NALF1: variants seen among roughly 807,000 people sequenced by gnomAD.
NALF1 encodes NALCN channel auxiliary factor 1.
In NALF1, 3 loss-of-function variants were observed where a neutral mutation model predicts 48.4. The ratio of observed to expected loss-of-function variants is 0.06; its 90% CI spans 0.03 to 0.16. NALF1 has a LOEUF of 0.16. Among genes scored for constraint, NALF1 ranks in the 10% least tolerant of loss-of-function variants. The pLI, the probability that NALF1 is intolerant of heterozygous loss-of-function variation, is 1.00. For synonymous variants in NALF1, 262 were observed against 245.7 expected (o/e 1.07, Z -0.62); for missense variants, 526 against 571.5 (o/e 0.92, Z 0.81).
At chr13:107,412,828 A>C (rs1248947496) in intron 1 of NALF1, among the ~76,000 whole-genome samples, 1 of 152,194 alleles carries the variant, frequency 6.6e-6, no homozygotes, top group African/African-American at 2.4e-5. Context: ...TGGCGTAATA[A>C]AGTTGTCTTA....
At chr13:107,536,251 C>T (rs1246812843) in intron 1 of NALF1, among the ~76,000 whole-genome samples, 5 of 151,898 alleles carry the variant, frequency 3.3e-5, no homozygotes, top group Non-Finnish European at 7.4e-5. Flanking sequence ...CTAAAGAGCT[C>T]CTGCACAGCA....
intron 2 of NALF1, among the ~76,000 whole-genome samples, chr13:107,178,862 G>A (rs888009334): frequency 1.3e-5 from 2 of 151,818 alleles, no homozygotes; most frequent in South Asian, 2.1e-4. Context: ...GGAGAATGGC[G>A]TGAACCCAGG....
intron 1 of NALF1, among the ~76,000 whole-genome samples, chr13:107,444,984 G>A (rs905053273): frequency 6.6e-6 from 1 of 152,272 alleles, no homozygotes; most frequent in Non-Finnish European, 1.5e-5. Context: ...TATACAAGGA[G>A]ATTCCATGAG....
chr13:107,837,801 T>C (rs1288296213), intron 1 of NALF1, among the ~76,000 whole-genome samples: 2 of 152,098 alleles, frequency 1.3e-5, no homozygotes, highest in African/African-American at 4.8e-5. Context: ...AATGATACTT[T>C]ACCAGTTCTT....
chr13:107,751,908 G>T (rs1876951531), intron 1 of NALF1, among the ~76,000 whole-genome samples: 1 of 151,876 alleles, frequency 6.6e-6, no homozygotes, highest in Admixed American at 6.6e-5. Flanking sequence ...TCATCAAGGT[G>T]CTTGGAATTT....
chr13:107,781,303 T>G (rs189410716), intron 1 of NALF1, among the ~76,000 whole-genome samples: 2 of 152,242 alleles, frequency 1.3e-5, no homozygotes, highest in African/African-American at 2.4e-5. Flanking sequence ...GGGTGCTATA[T>G]GACAGAGTAT....
At chr13:107,838,070 C>T (rs780345115) in intron 1 of NALF1, among the ~76,000 whole-genome samples, 3 of 152,128 alleles carry the variant, frequency 2.0e-5, no homozygotes, top group Non-Finnish European at 4.4e-5. Flanking sequence ...GCTGGAAGCA[C>T]GGTAAACTCG....
intron 1 of NALF1, among the ~76,000 whole-genome samples, chr13:107,661,008 T>C (rs1464056112): frequency 6.6e-6 from 1 of 152,220 alleles, no homozygotes; most frequent in Non-Finnish European, 1.5e-5. Flanking sequence ...CATAATTTTA[T>C]TTGGGAAAAA....
intron 2 of NALF1, among the ~76,000 whole-genome samples, chr13:107,200,972 G>C (rs184891117): frequency 2.0e-5 from 3 of 152,100 alleles, no homozygotes; most frequent in Non-Finnish European, 4.4e-5. Flanking sequence ...CAGGGGGACC[G>C]AGTGAAAATG....
At chr13:107,724,114 G>A (rs1876074432) in intron 1 of NALF1, among the ~76,000 whole-genome samples, 1 of 152,018 alleles carries the variant, frequency 6.6e-6, no homozygotes, top group African/African-American at 2.4e-5. Context: ...GATGAAAATA[G>A]GAAGCTTGTT....
At chr13:107,561,290 C>T (rs1877637383) in intron 1 of NALF1, among the ~76,000 whole-genome samples, 1 of 152,138 alleles carries the variant, frequency 6.6e-6, no homozygotes, top group African/African-American at 2.4e-5. Flanking sequence ...GCCATGTCAC[C>T]TTCGTCTCCT....
intron 1 of NALF1, among the ~76,000 whole-genome samples, chr13:107,420,319 C>T (rs997476676): frequency 1.3e-5 from 2 of 152,166 alleles, no homozygotes; most frequent in Non-Finnish European, 2.9e-5. Context: ...TAAAACTTCT[C>T]ATACATTGCT....
intron 1 of NALF1, among the ~76,000 whole-genome samples, chr13:107,478,147 C>G (rs1434976017): frequency 1.3e-5 from 2 of 152,118 alleles, no homozygotes; most frequent in Non-Finnish European, 2.9e-5. Flanking sequence ...TGAAGCCATT[C>G]TTGCTGTATA....
At chr13:107,459,055 T>C (rs1194787479) in intron 1 of NALF1, among the ~76,000 whole-genome samples, 1 of 149,106 alleles carries the variant, frequency 6.7e-6, no homozygotes, top group Non-Finnish European at 1.5e-5. Flanking sequence ...AAAAAAAAGG[T>C]AAGCTGCACA....
At chr13:107,492,411 TG>T (rs1433766006) in intron 1 of NALF1, among the ~76,000 whole-genome samples, 4 of 152,174 alleles carry the variant, frequency 2.6e-5, no homozygotes, top group Admixed American at 6.5e-5. Context: ...GGTACCAGAT[TG>T]ATGGTCTACG....
At position 107,609,082 on chromosome 13, in the gene NALF1, C is replaced by T. The variant is rs1358862959; in HGVS notation, c.915+256600G>A. Reference sequence around the variant, plus strand: ...GGAAAGAAGACTACCTTTTCTTTTCCCCCTGCCGTTGGTATAGCTGGTGCC... The same window carrying T: ...GGAAAGAAGACTACCTTTTCTTTTCTCCCTGCCGTTGGTATAGCTGGTGCC... On this transcript the variant is annotated intron_variant, in intron 1 of 2. Coordinates refer to ENST00000375915, the MANE Select transcript of NALF1 (RefSeq NM_001080396.3). Among the ~76,000 whole-genome samples, 4 of 152,050 alleles carry T rather than the reference C, an allele frequency of 2.6e-5. No homozygotes were observed. The East Asian group carries it at 7.8e-4, about 30-fold the overall frequency.
At chr13:107,584,174 G>C (rs1052339324) in intron 1 of NALF1, among the ~76,000 whole-genome samples, 1 of 152,050 alleles carries the variant, frequency 6.6e-6, no homozygotes, top group African/African-American at 2.4e-5. Flanking sequence ...TTTCTGAAAT[G>C]AATGAACATA....
At chr13:107,593,030 G>C (rs1008513470) in intron 1 of NALF1, among the ~76,000 whole-genome samples, 1 of 151,716 alleles carries the variant, frequency 6.6e-6, no homozygotes, top group Admixed American at 6.6e-5. Context: ...CTTTAGCAAA[G>C]GTCATCTTTT....
chr13:107,626,661 G>A (rs1224632821), intron 1 of NALF1, among the ~76,000 whole-genome samples: 1 of 152,050 alleles, frequency 6.6e-6, no homozygotes, highest in Non-Finnish European at 1.5e-5. Flanking sequence ...ATATCATTAT[G>A]TTAAATGAAA....
Sources: gnomAD v4.1 joint callset for allele counts (sites outside exome capture counted in the v4.1 genomes callset) on GRCh38, gnomAD v4.1.1 for gene constraint, MANE v1.5 for transcripts, NCBI Gene and HGNC (gene_info 2026-07-23, HGNC 2026-07-21) for gene names.